KAZN: variants seen among roughly 807,000 people sequenced by gnomAD.
KAZN encodes kazrin.
Under a neutral mutation model 87.4 loss-of-function variants are expected in KAZN, and 40 were observed. That is an observed-to-expected ratio of 0.46 (90% CI 0.36 to 0.60). The LOEUF (loss-of-function observed/expected upper bound fraction) is 0.60, where lower values mean the gene tolerates loss of function less well. Ranked by LOEUF, KAZN falls within the 20% of genes least tolerant of loss-of-function variation. The pLI, the probability that KAZN is intolerant of heterozygous loss-of-function variation, is 0.00. For synonymous variants in KAZN, 466 were observed against 458.3 expected (o/e 1.02, Z -0.22); for missense variants, 898 against 1,073.9 (o/e 0.84, Z 2.29).
At chr1:15,114,102 TG>T (rs896967724) in intron 14 of KAZN, 9 of 186,454 alleles carry the variant, frequency 4.8e-5, no homozygotes, top group African/African-American at 2.1e-4. Flanking sequence ...TCAGACCTCA[TG>T]GGCCTGCTCA....
chr1:14,823,876 G>A (rs984797918), intron 1 of KAZN, among the ~76,000 whole-genome samples: 15 of 152,166 alleles, frequency 9.9e-5, no homozygotes, highest in Non-Finnish European at 1.8e-4. Context: ...CACTTTAGGA[G>A]GCCAAGGCAG....
intron 2 of KAZN, among the ~76,000 whole-genome samples, chr1:14,215,353 T>A (rs557580659): frequency 6.6e-6 from 1 of 152,252 alleles, no homozygotes; most frequent in South Asian, 2.1e-4. Flanking sequence ...ACCAAAATGA[T>A]TGTATCATTG....
At chr1:14,478,274 A>AAGGAAGGAAGAAAGG (rs1553178148) in intron 2 of KAZN, among the ~76,000 whole-genome samples, 2 of 111,404 alleles carry the variant, frequency 1.8e-5, no homozygotes, top group African/African-American at 5.8e-5. Context: ...AGGAAGGAAG[A>AAGGAAGGAAGAAAGG]AAGGAAGGAA....
chr1:13,915,842 C>G (rs890345359), intron 1 of KAZN, among the ~76,000 whole-genome samples: 7 of 152,240 alleles, frequency 4.6e-5, no homozygotes, highest in African/African-American at 1.7e-4. Flanking sequence ...TCAGTGCTCA[C>G]TCCTTGCTTT....
chr1:14,021,054 G>A (rs1164825003), intron 1 of KAZN, among the ~76,000 whole-genome samples: 1 of 152,192 alleles, frequency 6.6e-6, no homozygotes, highest in East Asian at 1.9e-4. Context: ...AGCCAAGCCA[G>A]GTTTCTCACC....
chr1:14,616,597 G>A (rs768485514), intron 1 of KAZN, among the ~76,000 whole-genome samples: 5 of 152,110 alleles, frequency 3.3e-5, no homozygotes, highest in African/African-American at 9.7e-5. Flanking sequence ...CAGCGTCAGC[G>A]AAGGCTCATT....
intron 1 of KAZN, among the ~76,000 whole-genome samples, chr1:14,652,639 ATCCAT>A (rs1638507343): frequency 1.4e-5 from 1 of 72,510 alleles, no homozygotes. Context: ...CCACCCACCC[ATCCAT>A]CCACCCATCC....
intron 2 of KAZN, among the ~76,000 whole-genome samples, chr1:14,398,307 C>A (rs1325122149): frequency 6.6e-6 from 1 of 152,202 alleles, no homozygotes; most frequent in Non-Finnish European, 1.5e-5. Context: ...TAGATCAGGT[C>A]TTCTTGAATT....
chr1:14,083,841 A>G (rs1216375695), intron 1 of KAZN, among the ~76,000 whole-genome samples: 3 of 152,176 alleles, frequency 2.0e-5, no homozygotes, highest in Admixed American at 6.5e-5. Flanking sequence ...TGATTACTTT[A>G]TCCTCATGAA....
At chr1:13,932,414 C>T (rs2100938879) in intron 1 of KAZN, among the ~76,000 whole-genome samples, 1 of 151,830 alleles carries the variant, frequency 6.6e-6, no homozygotes, top group Middle Eastern at 3.4e-3. Flanking sequence ...GCGCCCGCCA[C>T]TACGCCCGGC....
At chr1:14,371,239 C>A (rs969298826) in intron 2 of KAZN, among the ~76,000 whole-genome samples, 2 of 152,180 alleles carry the variant, frequency 1.3e-5, no homozygotes, top group African/African-American at 4.8e-5. Flanking sequence ...TGCTGCTGGT[C>A]AGAGGACCAC....
intron 1 of KAZN, among the ~76,000 whole-genome samples, chr1:14,024,944 A>C (rs569558079): frequency 1.2e-4 from 18 of 152,374 alleles, no homozygotes; most frequent in African/African-American, 4.1e-4. Context: ...CCAAAGAGGC[A>C]GGAACAGTAT....
chr1:14,952,782 A>G (rs751660654), intron 1 of KAZN, among the ~76,000 whole-genome samples: 1 of 152,278 alleles, frequency 6.6e-6, no homozygotes, highest in Non-Finnish European at 1.5e-5. Context: ...TTCTGCATTT[A>G]GTGAGGCCAA....
chr1:14,117,381 C>T (rs562716154), intron 1 of KAZN, among the ~76,000 whole-genome samples: 45 of 152,290 alleles, frequency 3.0e-4, no homozygotes, highest in African/African-American at 9.1e-4. Flanking sequence ...AATTTCCCTG[C>T]GCAAGCTTCT....
chr1:14,827,185 G>A (rs1021987528), intron 1 of KAZN, among the ~76,000 whole-genome samples: 18 of 152,318 alleles, frequency 1.2e-4, no homozygotes, highest in African/African-American at 4.3e-4. Context: ...CAACCCAGTA[G>A]TGATTGACTT....
chr1:14,833,000 T>C (rs1205665611), intron 1 of KAZN, among the ~76,000 whole-genome samples: 2 of 152,248 alleles, frequency 1.3e-5, no homozygotes, highest in Non-Finnish European at 2.9e-5. Flanking sequence ...AAGATATTTA[T>C]TCATCTAAAA....
chr1:14,717,287 C>T (rs895514864), intron 1 of KAZN, among the ~76,000 whole-genome samples: 1 of 151,862 alleles, frequency 6.6e-6, no homozygotes, highest in Non-Finnish European at 1.5e-5. Flanking sequence ...ATACCAGGTG[C>T]TGGGAATGTG....
At chr1:14,822,127 A>T (rs1045057212) in intron 1 of KAZN, among the ~76,000 whole-genome samples, 3 of 152,002 alleles carry the variant, frequency 2.0e-5, no homozygotes, top group Non-Finnish European at 4.4e-5. Context: ...GCCTCTTTCC[A>T]TTCCTGGTCT....
intron 1 of KAZN, among the ~76,000 whole-genome samples, chr1:14,922,635 T>C (rs1658650203): frequency 1.3e-5 from 2 of 151,644 alleles, no homozygotes; most frequent in Admixed American, 6.6e-5. Context: ...CTACTAAAAA[T>C]ACAAAAATTA....
Sources: gnomAD v4.1 joint callset for allele counts (sites outside exome capture counted in the v4.1 genomes callset) on GRCh38, gnomAD v4.1.1 for gene constraint, MANE v1.5 for transcripts, NCBI Gene and HGNC (gene_info 2026-07-23, HGNC 2026-07-21) for gene names.